The following SAMMSON variants were observed in gnomAD, a reference collection of about 807,000 sequenced individuals.
SAMMSON encodes survival associated mitochondrial melanoma specific oncogenic non-coding RNA, also known as long intergenic non-protein coding RNA 1212.
intron 4 of SAMMSON, among the ~76,000 whole-genome samples, chr3:70,164,403 T>C (rs1402553264): frequency 6.6e-6 from 1 of 151,964 alleles, no homozygotes; most frequent in Non-Finnish European, 1.5e-5. Context: ...GAGAACAATA[T>C]AAAATTTCAA....
intron 6 of SAMMSON, among the ~76,000 whole-genome samples, chr3:70,279,699 C>A (rs1321253647): frequency 1.3e-5 from 2 of 152,156 alleles, no homozygotes; most frequent in African/African-American, 4.8e-5. Context: ...CAAACACACA[C>A]CCTGGGGTGT....
chr3:70,399,862 A>T (rs1575641483), intron 2 of SAMMSON, among the ~76,000 whole-genome samples: 5 of 151,538 alleles, frequency 3.3e-5, no homozygotes, highest in Admixed American at 3.3e-4. Context: ...CTCAAAAAAA[A>T]AAAACAAAAA....
intron 1 of SAMMSON, among the ~76,000 whole-genome samples, chr3:70,006,958 C>G (rs2107575286): frequency 6.6e-6 from 1 of 152,096 alleles, no homozygotes; most frequent in East Asian, 1.9e-4. Context: ...TCATCCATGT[C>G]CCTACAAAGG....
At chr3:70,235,064 T>G (rs982593043) in intron 4 of SAMMSON, among the ~76,000 whole-genome samples, 2 of 152,246 alleles carry the variant, frequency 1.3e-5, no homozygotes, top group Non-Finnish European at 2.9e-5. Flanking sequence ...TTCCTATGAT[T>G]GCACTTTGCT....
At chr3:70,322,405 T>C (rs1575625507) in intron 7 of SAMMSON, among the ~76,000 whole-genome samples, 1 of 152,154 alleles carries the variant, frequency 6.6e-6, no homozygotes, top group East Asian at 1.9e-4. Flanking sequence ...TCAAGTTCTT[T>C]GTCATCTTGA....
intron 2 of SAMMSON, among the ~76,000 whole-genome samples, chr3:70,419,973 A>G (rs1310483386): frequency 6.6e-6 from 1 of 152,188 alleles, no homozygotes; most frequent in Non-Finnish European, 1.5e-5. Context: ...TGTCTTGGTT[A>G]ATTGACATAT....
At chr3:70,038,979 T>C (rs1041099230) in intron 3 of SAMMSON, among the ~76,000 whole-genome samples, 7 of 152,066 alleles carry the variant, frequency 4.6e-5, no homozygotes, top group African/African-American at 1.7e-4. Flanking sequence ...TTCTTGGAAA[T>C]AGAGCCTGAG....
intron 7 of SAMMSON, among the ~76,000 whole-genome samples, chr3:70,296,173 C>T (rs1029567181): frequency 1.3e-5 from 2 of 152,070 alleles, no homozygotes; most frequent in Admixed American, 6.6e-5. Flanking sequence ...AAACATAAAA[C>T]GAATGAGTCT....
chr3:70,283,901 T>G (rs1179788402), intron 6 of SAMMSON: 1 of 152,158 alleles, frequency 6.6e-6, no homozygotes. Context: ...TAATCAAGTA[T>G]TTAATACATG....
intron 6 of SAMMSON, among the ~76,000 whole-genome samples, chr3:70,279,065 A>T (rs1357271): frequency 0.15 from 22,379 of 148,222 alleles, 2,000 homozygotes; most frequent in East Asian, 0.47. Flanking sequence ...CTTTCCTAAC[A>T]TCTTCTCATT....
intron 3 of SAMMSON, chr3:70,014,801 TC>T (rs2066974938): frequency 6.6e-6 from 1 of 152,172 alleles, no homozygotes; most frequent in Non-Finnish European, 1.5e-5. Flanking sequence ...GAGTTGTCCA[TC>T]TTTGTATATA....
intron 4 of SAMMSON, among the ~76,000 whole-genome samples, chr3:70,188,551 T>C (rs1402669177): frequency 6.6e-6 from 1 of 152,148 alleles, no homozygotes; most frequent in African/African-American, 2.4e-5. Flanking sequence ...GGATGGTATA[T>C]GGAATAAGTC....
intron 4 of SAMMSON, among the ~76,000 whole-genome samples, chr3:70,219,221 A>T (rs1267032039): frequency 6.6e-6 from 1 of 152,192 alleles, no homozygotes; most frequent in Non-Finnish European, 1.5e-5. Context: ...TTTGGGTTTG[A>T]TAGTATTGGG....
At chr3:70,054,899 G>A (rs1343086551) in intron 3 of SAMMSON, among the ~76,000 whole-genome samples, 1 of 152,050 alleles carries the variant, frequency 6.6e-6, no homozygotes, top group African/African-American at 2.4e-5. Context: ...CAGAAATTTA[G>A]ACTTCTGGCT....
chr3:70,285,790 G>T lies in SAMMSON; in HGVS notation n.675-5389G>T, dbSNP rs548996697. On this transcript the variant is annotated intron_variant and non_coding_transcript_variant, in intron 6 of 9. Coordinates refer to ENST00000642114, the Ensembl canonical transcript of SAMMSON. ...TGGTATCTCATTGTGGTTTTGATTT[G>T]CATTTCTCTGATGTCCAGTGATGAG... Among the ~76,000 whole-genome samples the T allele has an allele frequency of 3.3e-5, 5 of 152,238 alleles. No homozygotes were observed. In the East Asian group the frequency reaches 9.6e-4, roughly 29 times the overall value.
intron 7 of SAMMSON, among the ~76,000 whole-genome samples, chr3:70,339,326 T>A (rs551547165): frequency 6.6e-6 from 1 of 152,184 alleles, no homozygotes; most frequent in South Asian, 2.1e-4. Context: ...ACAGTACCAT[T>A]CAGGACATAG....
chr3:70,134,944 C>T (rs1001840567), intron 4 of SAMMSON, among the ~76,000 whole-genome samples: 2 of 152,086 alleles, frequency 1.3e-5, no homozygotes, highest in Non-Finnish European at 1.5e-5. Flanking sequence ...AATTAAAGTA[C>T]ATTTTGCCAT....
At chr3:70,247,934 G>A (rs1362172278) in intron 4 of SAMMSON, among the ~76,000 whole-genome samples, 1 of 151,952 alleles carries the variant, frequency 6.6e-6, no homozygotes, top group Non-Finnish European at 1.5e-5. Context: ...TCTTTTAGAT[G>A]AGATCAATCA....
intron 3 of SAMMSON, among the ~76,000 whole-genome samples, chr3:70,053,792 G>A (rs1318505843): frequency 6.6e-6 from 1 of 152,034 alleles, no homozygotes; most frequent in Non-Finnish European, 1.5e-5. Flanking sequence ...TGGGAATTAT[G>A]CATGTGCATT....
Sources: allele counts gnomAD v4.1 joint callset (sites outside exome capture counted in the v4.1 genomes callset), GRCh38; gene constraint gnomAD v4.1.1; transcripts MANE v1.5; gene names NCBI Gene and HGNC (gene_info 2026-07-23, HGNC 2026-07-21).